UBE3D: variants seen among roughly 807,000 people sequenced by gnomAD.
UBE3D encodes the protein ubiquitin protein ligase E3D.
In UBE3D, 48 loss-of-function variants were observed where a neutral mutation model predicts 49.6. The observed-to-expected ratio is 0.97, with a 90% CI of 0.77 to 1.23. The LOEUF (loss-of-function observed/expected upper bound fraction) is 1.23. Among genes scored for constraint, UBE3D ranks in the 50% most tolerant of loss-of-function variants. The probability of loss-of-function intolerance (pLI) is 0.00; values close to 1 mark genes in which losing one functional copy is unlikely to be tolerated. For missense variants in UBE3D, 452 were observed against 468.4 expected, an observed-to-expected ratio of 0.96 and a Z score of 0.32; for synonymous variants, 189 against 174.2, an observed-to-expected ratio of 1.08 and a Z score of -0.67.
At chr6:83,010,936 T>C (rs575264432) in intron 8 of UBE3D, among the ~76,000 whole-genome samples, 4 of 152,254 alleles carry the variant, frequency 2.6e-5, no homozygotes, top group East Asian at 3.9e-4. Context: ...GTCAATACTT[T>C]GCATCCAGTC....
chr6:82,935,216 A>G (rs1291173306), intron 9 of UBE3D, among the ~76,000 whole-genome samples: 1 of 151,614 alleles, frequency 6.6e-6, no homozygotes, highest in Non-Finnish European at 1.5e-5. Context: ...ACATGGAGAA[A>G]GCAGAGCAAG....
intron 8 of UBE3D, among the ~76,000 whole-genome samples, chr6:82,968,711 A>G (rs1777126216): frequency 6.6e-6 from 1 of 152,138 alleles, no homozygotes; most frequent in Non-Finnish European, 1.5e-5. Context: ...GTGAACTAAC[A>G]GTTGGGGTTT....
Position 83,047,030 on chromosome 6 carries a change from C to A in UBE3D, c.366-2371G>T, listed in dbSNP as rs570210379. Reference sequence around the variant, plus strand: ...ACTGTATTTCTACTGTCTTACATTGCTCCTAACGTATATCATGAGCTCTTA... The same window carrying A: ...ACTGTATTTCTACTGTCTTACATTGATCCTAACGTATATCATGAGCTCTTA... On this transcript the variant is annotated intron_variant, in intron 3 of 9. Transcript: ENST00000369747. Among the ~76,000 whole-genome samples the A allele has an allele frequency of 1.6e-4, 25 of 152,294 alleles. No individual in the cohort carries two copies. The East Asian group carries it at 4.8e-3, about 29-fold the overall frequency.
intron 9 of UBE3D, among the ~76,000 whole-genome samples, chr6:82,901,299 A>T (rs1185222488): frequency 6.6e-6 from 1 of 151,866 alleles, no homozygotes; most frequent in Non-Finnish European, 1.5e-5. Context: ...AACTTATTTC[A>T]CCAGAGAGGA....
intron 9 of UBE3D, among the ~76,000 whole-genome samples, chr6:82,950,469 C>CA (rs1247770734): frequency 6.6e-6 from 1 of 151,966 alleles, no homozygotes; most frequent in Non-Finnish European, 1.5e-5. Flanking sequence ...CCTCAAAAAA[C>CA]AAAAAATAGA....
At chr6:83,058,542 C>G (rs1232230862) in intron 1 of UBE3D, among the ~76,000 whole-genome samples, 2 of 152,202 alleles carry the variant, frequency 1.3e-5, no homozygotes, top group African/African-American at 4.8e-5. Context: ...CAAAAGCCCC[C>G]AGGCATCAAA....
chr6:82,978,089 A>G (rs922847918), intron 8 of UBE3D, among the ~76,000 whole-genome samples: 17 of 151,964 alleles, frequency 1.1e-4, no homozygotes, highest in Non-Finnish European at 1.9e-4. Context: ...AGCCAAAGAT[A>G]CATCAACAAG....
chr6:83,039,834 G>T (rs1782529897), intron 4 of UBE3D, among the ~76,000 whole-genome samples: 1 of 151,968 alleles, frequency 6.6e-6, no homozygotes, highest in Admixed American at 6.6e-5. Flanking sequence ...AGTAGAGATG[G>T]TTTCACCATC....
At chr6:82,901,415 C>G (rs1182286794) in intron 9 of UBE3D, among the ~76,000 whole-genome samples, 3 of 152,116 alleles carry the variant, frequency 2.0e-5, no homozygotes, top group Non-Finnish European at 4.4e-5. Context: ...CATTGCTGGC[C>G]TCATTTGAGA....
chr6:82,935,637 A>G (rs1370259639), intron 9 of UBE3D, among the ~76,000 whole-genome samples: 1 of 152,228 alleles, frequency 6.6e-6, no homozygotes, highest in East Asian at 1.9e-4. Flanking sequence ...TAGTATATCA[A>G]GCATGAAGAT....
chr6:82,923,521 G>C (rs1773513281), intron 9 of UBE3D, among the ~76,000 whole-genome samples: 1 of 152,082 alleles, frequency 6.6e-6, no homozygotes. Flanking sequence ...AGAACACATG[G>C]ACACAGAGAG....
chr6:82,939,930 C>T (rs1774884333), intron 9 of UBE3D, among the ~76,000 whole-genome samples: 1 of 152,188 alleles, frequency 6.6e-6, no homozygotes, highest in African/African-American at 2.4e-5. Context: ...GCAGAGCATC[C>T]TAAGTCCCAT....
At chr6:82,966,407 T>C (rs1273700251) in intron 8 of UBE3D, among the ~76,000 whole-genome samples, 1 of 132,726 alleles carries the variant, frequency 7.5e-6, no homozygotes, top group Non-Finnish European at 1.6e-5. Flanking sequence ...TCCCAGCACT[T>C]TGGGAGGCCG....
At chr6:83,046,233 CTTTTT>C (rs201532901) in intron 3 of UBE3D, among the ~76,000 whole-genome samples, 2 of 146,980 alleles carry the variant, frequency 1.4e-5, no homozygotes, top group South Asian at 2.2e-4. Context: ...GTGAATGCTA[CTTTTT>C]TTTTTTAACA....
chr6:82,880,940 G>A, the UBE3D span, among the ~76,000 whole-genome samples: 1 of 152,110 alleles, frequency 6.6e-6, no homozygotes, highest in Non-Finnish European at 1.5e-5. Flanking sequence ...TTATGTGAGG[G>A]AAAGAAGACA....
intron 3 of UBE3D, among the ~76,000 whole-genome samples, chr6:83,049,434 G>C (rs533460929): frequency 6.6e-4 from 100 of 152,312 alleles, no homozygotes; most frequent in African/African-American, 2.3e-3. Flanking sequence ...AGTATGATTT[G>C]AGCCATAAAA....
intron 9 of UBE3D, among the ~76,000 whole-genome samples, chr6:82,952,508 T>C (rs1213680887): frequency 2.0e-5 from 3 of 152,156 alleles, no homozygotes; most frequent in Admixed American, 6.6e-5. Context: ...CACTGCAGGA[T>C]TGACCTCCAG....
chr6:83,021,761 C>T (rs533623482), intron 7 of UBE3D, among the ~76,000 whole-genome samples: 27 of 151,636 alleles, frequency 1.8e-4, no homozygotes, highest in African/African-American at 6.5e-4. Context: ...CCCACCTACT[C>T]GGGAGACTGG....
downstream of UBE3D, chr6:82,892,261 C>CA (rs1333386137): frequency 2.0e-5 from 3 of 152,226 alleles, no homozygotes; most frequent in African/African-American, 7.2e-5. Flanking sequence ...TGATTCTAGG[C>CA]AAGTCTCAAA....
Sources: allele counts gnomAD v4.1 joint callset (sites outside exome capture counted in the v4.1 genomes callset), GRCh38; gene constraint gnomAD v4.1.1; transcripts MANE v1.5; gene names NCBI Gene and HGNC (gene_info 2026-07-23, HGNC 2026-07-21).